Variants in LMO7 observed in about 807,000 individuals in gnomAD.
The protein encoded by LMO7 is LIM domain 7, also known as LIM domain only protein 7.
LMO7 carries 120 observed loss-of-function variants against 206.5 expected under a neutral mutation model. The observed-to-expected ratio is 0.58, with a 90% CI of 0.50 to 0.68. LMO7 has a LOEUF of 0.68. LMO7 is among the 30% of genes least tolerant of loss of function. The pLI, the probability that LMO7 is intolerant of heterozygous loss-of-function variation, is 0.00. For synonymous variants in LMO7, 706 were observed against 681.5 expected (o/e 1.04, Z -0.56); for missense variants, 1,959 against 1,957.9 (o/e 1.00, Z -0.01).
At chr13:75,772,612 A>G (rs762652024) in intron 4 of LMO7, among the ~76,000 whole-genome samples, 6 of 152,126 alleles carry the variant, frequency 3.9e-5, no homozygotes, top group Non-Finnish European at 7.4e-5. Context: ...CTCCAAACCC[A>G]GTTCTGTTTC....
intron 1 of LMO7, among the ~76,000 whole-genome samples, chr13:75,667,764 T>C (rs1344772732): frequency 6.6e-6 from 1 of 152,224 alleles, no homozygotes; most frequent in African/African-American, 2.4e-5. Flanking sequence ...GAGTCTCTCT[T>C]GATTGTCTTT....
At chr13:75,832,823 A>G (rs1037882657) in intron 15 of LMO7, among the ~76,000 whole-genome samples, 4 of 152,216 alleles carry the variant, frequency 2.6e-5, no homozygotes, top group African/African-American at 9.6e-5. Context: ...GAAGAAAAAC[A>G]TGTAATGACA....
intron 27 of LMO7, among the ~76,000 whole-genome samples, chr13:75,849,778 A>G (rs1280906002): frequency 5.3e-5 from 8 of 152,210 alleles, no homozygotes; most frequent in Non-Finnish European, 8.8e-5. Context: ...AGATAAAGGT[A>G]TAGATATTAA....
chr13:75,843,838 A>G (rs1417850955), intron 25 of LMO7, among the ~76,000 whole-genome samples: 1 of 152,182 alleles, frequency 6.6e-6, no homozygotes, highest in Non-Finnish European at 1.5e-5. Flanking sequence ...CTTACTTATT[A>G]GATATAAGGA....
intron 1 of LMO7, among the ~76,000 whole-genome samples, chr13:75,697,227 C>G (rs1333222090): frequency 6.6e-6 from 1 of 152,126 alleles, no homozygotes; most frequent in East Asian, 1.9e-4. Flanking sequence ...TTTTGAAAAA[C>G]AAACTCATGT....
intron 4 of LMO7, among the ~76,000 whole-genome samples, chr13:75,768,408 G>A (rs2049180075): frequency 6.6e-6 from 1 of 152,056 alleles, no homozygotes; most frequent in Non-Finnish European, 1.5e-5. Context: ...AGCAAAGCTG[G>A]AGAACAGAGA....
chr13:75,823,475 A>T, intron 14 of LMO7, 90 bp from the exon 15 acceptor site: 1 of 1,002,218 alleles, frequency 1.0e-6, no homozygotes, highest in Non-Finnish European at 1.4e-6. Context: ...ATGTTATTTT[A>T]GTTTTAAAAT....
intron 3 of LMO7, among the ~76,000 whole-genome samples, chr13:75,731,261 T>C (rs1460141483): frequency 6.6e-6 from 1 of 152,162 alleles, no homozygotes; most frequent in African/African-American, 2.4e-5. Flanking sequence ...TGTGTGGGAG[T>C]CTAAGTCTCT....
chr13:75,783,048 G>A (rs2051785384), intron 4 of LMO7, among the ~76,000 whole-genome samples: 1 of 152,160 alleles, frequency 6.6e-6, no homozygotes, highest in Admixed American at 6.5e-5. Context: ...TGTGGAGTAG[G>A]AACAAAGAAT....
intron 1 of LMO7, among the ~76,000 whole-genome samples, chr13:75,661,684 C>T (rs372673211): frequency 2.0e-5 from 3 of 152,208 alleles, no homozygotes; most frequent in African/African-American, 4.8e-5. Context: ...ATGTCCCCTG[C>T]GCCAGTACTG....
At chr13:75,805,222 ATTGT>A (rs748710380) in intron 8 of LMO7, 151 of 1,203,074 alleles carry the variant, frequency 1.3e-4, no homozygotes, top group Non-Finnish European at 1.5e-4. Flanking sequence ...AACACCCCAA[ATTGT>A]TTGTTATGTG....
chr13:75,680,144 C>T (rs547427434), intron 1 of LMO7, among the ~76,000 whole-genome samples: 54 of 152,254 alleles, frequency 3.5e-4, no homozygotes, highest in African/African-American at 8.7e-4. Flanking sequence ...TGAGAACATG[C>T]GGTGTTCAGT....
intron 1 of LMO7, among the ~76,000 whole-genome samples, chr13:75,707,314 CTCCCAATTTTTCATAAACTT>C (rs1295721390): frequency 6.6e-6 from 1 of 151,790 alleles, no homozygotes; most frequent in African/African-American, 2.4e-5. Flanking sequence ...TGGGATTATA[CTCCCAATTTTTCATAAACTT>C]TCCCAATTTT....
At chr13:75,641,234 C>T (rs1053303638) in intron 1 of LMO7, among the ~76,000 whole-genome samples, 4 of 152,192 alleles carry the variant, frequency 2.6e-5, no homozygotes, top group Non-Finnish European at 5.9e-5. Flanking sequence ...GCATTTGAGC[C>T]GAGGCTGCAG....
At position 75,834,325 on chromosome 13, in the gene LMO7, C is replaced by T. The variant is rs1382336382; in HGVS notation, c.3164C>T (p.Ala1055Val). The T allele has an allele frequency of 1.2e-6, 2 of 1,610,930 alleles. No homozygotes were observed. The highest frequency in any genetic ancestry group is 3.4e-5 in the Admixed American group (2 of 59,628). The change falls in exon 17 of 31, where the codon GCC (alanine) becomes GTC (valine). Residue 1055 changes from alanine to valine, a missense_variant. Transcript: ENST00000377534. ...AACGATTCAAAAGAGTGGGAGGAAG[C>T]CATGGCTAAGGCTCAAGAAACTGGA... ...SYNDSKEWEE[A>V]MAKAQETGHL...
At chr13:75,832,789 C>G (rs1566571507) in intron 15 of LMO7, among the ~76,000 whole-genome samples, 1 of 151,956 alleles carries the variant, frequency 6.6e-6, no homozygotes, top group Non-Finnish European at 1.5e-5. Context: ...TTATCCACGG[C>G]CAACTGAATT....
chr13:75,855,391 G>A, intron 29 of LMO7, 23 bp downstream of exon 29: 1 of 1,510,828 alleles, frequency 6.6e-7, no homozygotes, highest in Non-Finnish European at 9.2e-7. Context: ...CAAACAGCTT[G>A]CAGGCCTGCA....
intron 16 of LMO7, among the ~76,000 whole-genome samples, chr13:75,833,975 G>T (rs752851208): frequency 1.3e-5 from 2 of 152,068 alleles, no homozygotes; most frequent in Non-Finnish European, 2.9e-5. Flanking sequence ...TAATAAAGAA[G>T]TCTTATTGAA....
chr13:75,849,430 A>T, intron 27 of LMO7, 138 bp downstream of exon 27: 1 of 630,314 alleles, frequency 1.6e-6, no homozygotes, highest in Non-Finnish European at 2.8e-6. Context: ...GTGTCAGTTT[A>T]CATGACCACA....
Sources: gnomAD v4.1 joint callset for allele counts (sites outside exome capture counted in the v4.1 genomes callset) on GRCh38, gnomAD v4.1.1 for gene constraint, MANE v1.5 for transcripts, NCBI Gene and HGNC (gene_info 2026-07-23, HGNC 2026-07-21) for gene names.